Variants in TSPAN9 observed in about 807,000 individuals in gnomAD.
TSPAN9 encodes tetraspanin-9.
A neutral mutation model predicts 31.0 loss-of-function variants in TSPAN9; 16 were observed. That is an observed-to-expected ratio of 0.52 (90% CI 0.35 to 0.78). The LOEUF is 0.78. TSPAN9 is among the 30% of genes least tolerant of loss of function. TSPAN9 has a pLI of 0.01. For missense variants in TSPAN9, 272 were observed against 312.5 expected, an observed-to-expected ratio of 0.87 and a Z score of 0.98; for synonymous variants, 145 against 121.6, an observed-to-expected ratio of 1.19 and a Z score of -1.27.
At chr12:3,228,615 T>A (rs1051056884) in intron 3 of TSPAN9, among the ~76,000 whole-genome samples, 6 of 152,254 alleles carry the variant, frequency 3.9e-5, no homozygotes, top group African/African-American at 1.4e-4. Context: ...TGCTGAGCCC[T>A]GTGCTGCCTG....
intron 2 of TSPAN9, among the ~76,000 whole-genome samples, chr12:3,123,638 G>T (rs555502010): frequency 0.012 from 1,334 of 114,940 alleles, 14 homozygotes; most frequent in Non-Finnish European, 0.015. Flanking sequence ...TTTTTTTTTT[G>T]GGAAAAATTA....
At chr12:3,249,528 G>A (rs556776276) in intron 3 of TSPAN9, among the ~76,000 whole-genome samples, 3 of 152,142 alleles carry the variant, frequency 2.0e-5, no homozygotes, top group South Asian at 2.1e-4. Flanking sequence ...ACAATCCTTC[G>A]TGCTTTTCAC....
intron 2 of TSPAN9, among the ~76,000 whole-genome samples, chr12:3,105,323 A>T (rs2153964718): frequency 6.6e-6 from 1 of 151,890 alleles, no homozygotes; most frequent in South Asian, 2.1e-4. Flanking sequence ...CCCGTATTTT[A>T]CCTATCCCTT....
chr12:3,242,109 G>A lies in TSPAN9; in HGVS notation c.64-36312G>A, dbSNP rs193118144. On this transcript the variant is annotated intron_variant, in intron 3 of 8. Transcript: ENST00000011898. ...CTGAGGCCAGCATCAGGGGTCTCCCGGTTAGGGCTTCCTTGGACCCCTGGG... is the reference window on the plus strand; with the variant it reads ...CTGAGGCCAGCATCAGGGGTCTCCCAGTTAGGGCTTCCTTGGACCCCTGGG... Among the ~76,000 whole-genome samples, 221 of 152,346 alleles carry A rather than the reference G, an allele frequency of 1.5e-3. 2 individuals are homozygous for A. The highest frequency in any genetic ancestry group is 4.9e-3 in the African/African-American group (204 of 41,578).
At chr12:3,243,343 C>T (rs2098397610) in intron 3 of TSPAN9, among the ~76,000 whole-genome samples, 1 of 152,124 alleles carries the variant, frequency 6.6e-6, no homozygotes, top group African/African-American at 2.4e-5. Flanking sequence ...TCATTGAATT[C>T]CTGCCGCAGC....
rs1008506108 is a variant in TSPAN9 at position 3,283,701 on chromosome 12, C to T, written c.*585C>T. ...TTAGGGTTAGATTTCTGATTTGTAA[C>T]TTTTTACTGTGTTGATTTCTTTAAT... On this transcript the variant is annotated 3_prime_UTR_variant, in exon 9 of 9. Transcript: ENST00000011898. The T allele has an allele frequency of 4.6e-5, 7 of 152,770 alleles. No individual in the cohort carries two copies. The highest frequency in any genetic ancestry group is 1.7e-4 in the African/African-American group (7 of 41,470). The allele number at this position is 152,770 out of a possible 1,614,324, so 9.5% of individuals were successfully genotyped here.
intron 3 of TSPAN9, among the ~76,000 whole-genome samples, chr12:3,206,936 G>A (rs1228657530): frequency 6.6e-6 from 1 of 152,146 alleles, no homozygotes; most frequent in Non-Finnish European, 1.5e-5. Flanking sequence ...CAGGGAGAAG[G>A]GTGGGAAGAG....
intron 2 of TSPAN9, among the ~76,000 whole-genome samples, chr12:3,091,778 C>T (rs2098304803): frequency 6.6e-6 from 1 of 152,172 alleles, no homozygotes; most frequent in African/African-American, 2.4e-5. Context: ...AAAAGGTTCA[C>T]TGTGAAAGCA....
rs2098315083 is a variant in TSPAN9 at position 3,107,126 on chromosome 12, G to A, written c.-18+23407G>A. 6.6e-6 allele frequency among the ~76,000 whole-genome samples: 1 copy of A among 152,102 alleles called. No homozygotes were observed. The highest frequency in any genetic ancestry group is 1.5e-5 in the Non-Finnish European group (1 of 68,012). On this transcript the variant is annotated intron_variant, in intron 2 of 8. Transcript: ENST00000011898. The surrounding 1 kb of genome is among the most constrained non-coding windows in gnomAD (Gnocchi z 4.1). ...CACCACTGCTGCCACCGCAGAGCACGAAATCATCACGGGGCTGTGGAAATC... is the reference window on the plus strand; with the variant it reads ...CACCACTGCTGCCACCGCAGAGCACAAAATCATCACGGGGCTGTGGAAATC...
At chr12:3,088,571 T>A (rs937918200) in intron 2 of TSPAN9, among the ~76,000 whole-genome samples, 5 of 152,194 alleles carry the variant, frequency 3.3e-5, no homozygotes, top group Non-Finnish European at 7.4e-5. Flanking sequence ...CCAGAGAAGC[T>A]GGAGCTGGTG....
chr12:3,151,184 ATGTG>A (rs2098339566), intron 2 of TSPAN9: 2 of 152,308 alleles, frequency 1.3e-5, no homozygotes, highest in South Asian at 4.1e-4. Context: ...ACGTGTGTGC[ATGTG>A]TGTGAGTGGG....
At chr12:3,267,038 G>C (rs1049757450) in intron 3 of TSPAN9, among the ~76,000 whole-genome samples, 1 of 152,206 alleles carries the variant, frequency 6.6e-6, no homozygotes. Flanking sequence ...GACCTGCCAT[G>C]GGTGGAGCCG....
intron 2 of TSPAN9, among the ~76,000 whole-genome samples, chr12:3,125,795 C>G (rs2098327114): frequency 6.6e-6 from 1 of 152,072 alleles, no homozygotes; most frequent in Non-Finnish European, 1.5e-5. Context: ...CTGTGGCTGA[C>G]AATACGTTTG....
intron 2 of TSPAN9, among the ~76,000 whole-genome samples, chr12:3,109,729 C>T (rs368970334): frequency 4.8e-5 from 7 of 145,052 alleles, no homozygotes; most frequent in East Asian, 2.1e-4. Context: ...ACCTGGGAGG[C>T]GGATGTTGCA....
intron 2 of TSPAN9, among the ~76,000 whole-genome samples, chr12:3,119,156 C>T (rs7979152): frequency 0.81 from 123,306 of 152,150 alleles, 50,184 homozygotes; most frequent in Admixed American, 0.86. Flanking sequence ...ACTGGACAAG[C>T]TGCTATGCTC....
chr12:3,171,514 C>T (rs955462032), intron 2 of TSPAN9: 2 of 152,238 alleles, frequency 1.3e-5, no homozygotes, highest in Non-Finnish European at 2.9e-5. Context: ...ACCTATCCTT[C>T]CTGTGTTGTT....
intron 2 of TSPAN9, among the ~76,000 whole-genome samples, chr12:3,104,527 A>AT (rs1330897119): frequency 6.6e-6 from 1 of 151,804 alleles, no homozygotes; most frequent in African/African-American, 2.4e-5. Flanking sequence ...TAATTTTTGC[A>AT]TTTTTTGTAG....
intron 2 of TSPAN9, among the ~76,000 whole-genome samples, chr12:3,189,441 G>T (rs930221701): frequency 6.6e-6 from 1 of 152,234 alleles, no homozygotes; most frequent in African/African-American, 2.4e-5. Context: ...CCTTGGGCCA[G>T]TACTAGTGGC....
At chr12:3,217,093 C>A (rs1361188308) in intron 3 of TSPAN9, among the ~76,000 whole-genome samples, 1 of 152,216 alleles carries the variant, frequency 6.6e-6, no homozygotes, top group African/African-American at 2.4e-5. Context: ...AGTTATTTTT[C>A]CTCATCGTTC....
Sources: allele counts gnomAD v4.1 joint callset (sites outside exome capture counted in the v4.1 genomes callset), GRCh38; gene constraint gnomAD v4.1.1; non-coding constraint Gnocchi (gnomAD v3.1); transcripts MANE v1.5; gene names NCBI Gene and HGNC (gene_info 2026-07-23, HGNC 2026-07-21).